C6orf132: variants seen among roughly 807,000 people sequenced by gnomAD.
C6orf132 encodes the protein chromosome 6 open reading frame 132.
In C6orf132, 43 loss-of-function variants were observed where a neutral mutation model predicts 65.3. That is an observed-to-expected ratio of 0.66 (90% CI 0.52 to 0.85). The LOEUF is 0.85. Among genes scored for constraint, C6orf132 ranks in the 40% least tolerant of loss-of-function variants. The pLI, the probability that C6orf132 is intolerant of heterozygous loss-of-function variation, is 0.00. For missense variants in C6orf132, 1,488 were observed against 1,548.8 expected (o/e 0.96, Z 0.66); for synonymous variants, 631 against 654.1 (o/e 0.96, Z 0.54).
intron 4 of C6orf132, 24 bp from the exon 5 acceptor site, chr6:42,103,902 G>T (rs1008698295): frequency 2.9e-6 from 4 of 1,360,936 alleles, no homozygotes; most frequent in Non-Finnish European, 3.8e-6. Flanking sequence ...AGAGATGTGA[G>T]GTGAATATCT....
intron 2 of C6orf132, among the ~76,000 whole-genome samples, chr6:42,114,419 CTT>C (rs1491270779): frequency 7.0e-6 from 1 of 142,190 alleles, no homozygotes; most frequent in African/African-American, 2.8e-5. Flanking sequence ...TTCTTTCCCA[CTT>C]GGGCCCACAT....
chr6:42,139,039 T>C (rs1443658768), intron 1 of C6orf132, among the ~76,000 whole-genome samples: 1 of 152,210 alleles, frequency 6.6e-6, no homozygotes, highest in Admixed American at 6.5e-5. Flanking sequence ...TGTTTGCATT[T>C]ACCCGCTGTA....
In C6orf132 at chr6:42,106,159, T is replaced by G; in HGVS notation, c.1753A>C (p.Ser585Arg). The G allele has an allele frequency of 1.3e-6, 2 of 1,537,232 alleles. No homozygotes were observed. Among genetic ancestry groups the G allele is most frequent in the Non-Finnish European group, 1.7e-6 (2 of 1,146,904 alleles). Residue 585 changes from serine to arginine, a missense_variant, in exon 4 of 5, where the codon AGC becomes CGC. Ser to Arg is a moderately radical substitution (Grantham distance 110, BLOSUM62 -1). Transcript: ENST00000341865. ...GGCTTAGGGGGCAGAGATCCTATGC[T>G]GGGCTTAGCCTCCTTCTCTGCTGCT... Reference protein sequence around the residue: ...SSAAEKEAKPSIGSLPPKPRL... With the variant: ...SSAAEKEAKPRIGSLPPKPRL...
rs1283499216 is a variant in C6orf132, at chr6:42,105,640, T to A, written c.2272A>T (p.Thr758Ser). 1 of 1,536,998 alleles carries A rather than the reference T, an allele frequency of 6.5e-7. No individual in the cohort carries two copies. Among genetic ancestry groups the A allele is most frequent in the African/African-American group, 1.4e-5 (1 of 73,030 alleles). Residue 758 changes from threonine (T) to serine (S), a missense_variant, in exon 4 of 5, where the codon ACA becomes TCA. Coordinates refer to ENST00000341865, the MANE Select transcript of C6orf132 (RefSeq NM_001164446.3). ...ARSSAAFPPK[T>S]SPGGGEVPCL... ...GGCACCTCTCCTCCACCAGGAGATG[T>A]CTTTGGTGGGAAGGCTGCAGATGAG...
At chr6:42,118,457 G>A (rs1165405042) in intron 2 of C6orf132, among the ~76,000 whole-genome samples, 1 of 152,228 alleles carries the variant, frequency 6.6e-6, no homozygotes, top group Non-Finnish European at 1.5e-5. Flanking sequence ...AGACTTAGGA[G>A]CCCAGGGTGC....
intron 1 of C6orf132, among the ~76,000 whole-genome samples, chr6:42,139,640 A>G (rs1767002943): frequency 6.6e-6 from 1 of 152,228 alleles, no homozygotes. Flanking sequence ...CCCATGGCCC[A>G]ACACAAATTA....
Position 42,107,544 on chromosome 6 carries a change from CTGTACAGTCGGAGGT to C in C6orf132, c.353_367del (p.Asn118_Tyr122del). ...TCCAGGCCTCAGGTCACCCACAGAGCTGTACAGTCGGAGGTTGCCATTGACTAGTGAGCTGGTACC... is the reference window on the plus strand; with the variant it reads ...TCCAGGCCTCAGGTCACCCACAGAGCTGCCATTGACTAGTGAGCTGGTACC... On this transcript the variant is annotated inframe_deletion, in exon 4 of 5. Transcript: ENST00000341865. The C allele has an allele frequency of 6.4e-6, 10 of 1,550,842 alleles. No homozygotes were observed. Among genetic ancestry groups the C allele is most frequent in the Non-Finnish European group, 8.7e-6 (10 of 1,146,772 alleles).
At position 42,106,346 on chromosome 6, in the gene C6orf132, GTCCTTTGCTGGCAGGCTCAGGAGAGTC is replaced by G; in HGVS notation, c.1539_1565del (p.Glu513_Lys521del). The G allele has an allele frequency of 6.5e-7, 1 of 1,536,556 alleles. No individual in the cohort carries two copies. Among genetic ancestry groups the G allele is most frequent in the Non-Finnish European group, 8.7e-7 (1 of 1,146,832 alleles). On this transcript the variant is annotated inframe_deletion, in exon 4 of 5. Transcript: ENST00000341865. ...TCTTTTCAGGAACACCTGGGGGAGTGTCCTTTGCTGGCAGGCTCAGGAGAGTCTCCTTCTCAGGCAGGCGGGGGCCCT... is the reference window on the plus strand; with the variant it reads ...TCTTTTCAGGAACACCTGGGGGAGTGTCCTTCTCAGGCAGGCGGGGGCCCT...
chr6:42,105,166 A>G lies in C6orf132; in HGVS notation c.2746T>C (p.Trp916Arg), dbSNP rs775701868. 1.5e-5 allele frequency: 23 copies of G among 1,536,572 alleles called. No individual in the cohort carries two copies. In the South Asian group the frequency reaches 2.6e-4, roughly 17 times the overall value. ...SPLTTEIPNK[W>R]GPRLGRDAEG... The stretch of plus-strand genomic sequence containing the variant: ...GCGTCTCTTCCCAGCCGCGGCCCCC[A>G]CTTATTGGGTATTTCGGTCGTCAGC... Residue 916 changes from tryptophan (W) to arginine (R), a missense_variant, in exon 4 of 5, where the codon TGG becomes CGG. Transcript: ENST00000341865.
At position 42,105,749 on chromosome 6, in the gene C6orf132, T is replaced by C; in HGVS notation, c.2163A>G (p.Ala721=). 6.5e-7 allele frequency: 1 copy of C among 1,537,316 alleles called. No individual in the cohort carries two copies. The highest frequency in any genetic ancestry group is 8.7e-7 in the Non-Finnish European group (1 of 1,146,920). The change falls in exon 4 of 5, where the codon GCA becomes GCG. Residue 721 remains alanine (A), a synonymous_variant. Transcript: ENST00000341865. ...GGGAGGGAGTGGAAACTTCTTGAGATGCTGGCTTCTCTGGCTGGCCAGCTG... is the reference window on the plus strand; with the variant it reads ...GGGAGGGAGTGGAAACTTCTTGAGACGCTGGCTTCTCTGGCTGGCCAGCTG... ...SGPAGQPEKP[A]SQEVSTPSQA... is the part of the protein sequence containing the mutation.
intron 1 of C6orf132, among the ~76,000 whole-genome samples, chr6:42,138,217 G>T (rs557183422): frequency 9.8e-5 from 15 of 152,310 alleles, no homozygotes; most frequent in African/African-American, 3.1e-4. Flanking sequence ...TGCCATCATA[G>T]CTGACTGCAG....
intron 1 of C6orf132, among the ~76,000 whole-genome samples, chr6:42,141,199 T>C (rs1263559491): frequency 1.3e-5 from 2 of 152,234 alleles, no homozygotes; most frequent in African/African-American, 4.8e-5. Flanking sequence ...CCTTGTGTCC[T>C]GGCTGTGGCA....
Position 42,142,584 on chromosome 6 carries a change from C to CA in C6orf132, c.-141dup. ...CCGTCCTCCCCGCCCGCGCACCGGG[C>CA]AACAGGTGCTGCGGGCGCCGCCGCT... On this transcript the variant is annotated 5_prime_UTR_variant, in exon 1 of 5. Coordinates refer to ENST00000341865, the MANE Select transcript of C6orf132 (RefSeq NM_001164446.3). 3.2e-6 allele frequency: 1 copy of CA among 312,264 alleles called. No individual in the cohort carries two copies. The highest frequency in any genetic ancestry group is 5.6e-6 in the Non-Finnish European group (1 of 179,432). The allele number at this position is 312,264 out of a possible 1,614,324, so 19.3% of individuals were successfully genotyped here.
At position 42,105,141 on chromosome 6, in the gene C6orf132, G is replaced by A. The variant is rs755728475; in HGVS notation, c.2771C>T (p.Ala924Val). The A allele has an allele frequency of 4.1e-4, 633 of 1,536,916 alleles. No individual in the cohort carries two copies. The highest frequency in any genetic ancestry group is 5.0e-4 in the Non-Finnish European group (574 of 1,146,826). ...CCTGCGGCTCAGCTCTGTGCCCTCT[G>A]CGTCTCTTCCCAGCCGCGGCCCCCA... Reference protein sequence around the residue: ...NKWGPRLGRDAEGTELSRRHN... With the variant: ...NKWGPRLGRDVEGTELSRRHN... The change falls in exon 4 of 5, where the codon GCA becomes GTA. Residue 924 changes from alanine (A) to valine (V), a missense_variant. By Grantham distance (64) the Ala-to-Val change is moderately conservative. Transcript: ENST00000341865.
At chr6:42,125,076 G>A (rs1766743771) in intron 2 of C6orf132, among the ~76,000 whole-genome samples, 2 of 152,178 alleles carry the variant, frequency 1.3e-5, no homozygotes, top group South Asian at 4.1e-4. Context: ...AGCCAAAAGT[G>A]GCAAGAGGCC....
intron 1 of C6orf132, among the ~76,000 whole-genome samples, chr6:42,140,666 T>G (rs1767017288): frequency 6.6e-6 from 1 of 152,172 alleles, no homozygotes; most frequent in African/African-American, 2.4e-5. Flanking sequence ...AAATGCTGCC[T>G]CCAGCATTGA....
chr6:42,142,578 A>C lies in C6orf132; in HGVS notation c.-134T>G. On this transcript the variant is annotated 5_prime_UTR_variant, in exon 1 of 5. Transcript: ENST00000341865. ...CCCCCGCCGTCCTCCCCGCCCGCGC[A>C]CCGGGCAACAGGTGCTGCGGGCGCC... is the stretch of plus-strand genomic sequence containing the variant. 6.3e-5 allele frequency: 31 copies of C among 491,590 alleles called. No individual in the cohort carries two copies. Among genetic ancestry groups the C allele is most frequent in the East Asian group, 2.3e-4 (3 of 13,268 alleles). The allele number at this position is 491,590 out of a possible 1,614,324, so 30.5% of individuals were successfully genotyped here. A position where few individuals can be genotyped will look rare whatever the true frequency, so the allele number is the denominator to read the frequency against.
At chr6:42,130,868 G>A (rs1016216283) in intron 1 of C6orf132, among the ~76,000 whole-genome samples, 10 of 150,772 alleles carry the variant, frequency 6.6e-5, no homozygotes, top group Non-Finnish European at 1.0e-4. Context: ...GCCTTGTCTC[G>A]CCTCTTTATG....
At chr6:42,121,605 T>G (rs1189671363) in intron 2 of C6orf132, among the ~76,000 whole-genome samples, 2 of 152,136 alleles carry the variant, frequency 1.3e-5, no homozygotes, top group African/African-American at 4.8e-5. Flanking sequence ...GTCTCAAGGG[T>G]GGGTCACCAG....
Sources: allele counts gnomAD v4.1 joint callset (sites outside exome capture counted in the v4.1 genomes callset), GRCh38; gene constraint gnomAD v4.1.1; transcripts MANE v1.5; gene names NCBI Gene and HGNC (gene_info 2026-07-23, HGNC 2026-07-21).